Variants in TLR2 observed in about 807,000 individuals in gnomAD.
The protein encoded by TLR2 is toll-like receptor 2.
TLR2 carries 7 observed loss-of-function variants against 9.1 expected under a neutral mutation model. That is an observed-to-expected ratio of 0.77 (90% confidence interval 0.44 to 1.44). The LOEUF is 1.44. Ranked by LOEUF, TLR2 falls within the 40% of genes most tolerant of loss-of-function variation. The pLI is 0.01. For synonymous variants in TLR2, 317 were observed against 344.6 expected (o/e 0.92, Z 0.89); for missense variants, 812 against 904.6 (o/e 0.90, Z 1.31).
At chr4:153,701,551 A>G (rs193205139) in intron 2 of TLR2, 1 of 152,350 alleles carries the variant, frequency 6.6e-6, no homozygotes, top group African/African-American at 2.4e-5. Flanking sequence ...TGAAAAGGCA[A>G]CCGCAGAGTG....
intron 2 of TLR2, among the ~76,000 whole-genome samples, chr4:153,700,454 C>G (rs1736807361): frequency 6.6e-6 from 1 of 152,152 alleles, no homozygotes; most frequent in South Asian, 2.1e-4. Flanking sequence ...AGAGATCTGT[C>G]ATGCTCATGG....
chr4:153,704,178 G>C lies in TLR2; in HGVS notation c.1271G>C (p.Ser424Thr). The C allele has an allele frequency of 6.2e-7, 1 of 1,613,952 alleles. No homozygotes were observed. The highest frequency in any genetic ancestry group is 8.5e-7 in the Non-Finnish European group (1 of 1,179,984). The change falls in exon 3 of 3, where the codon AGT (serine) becomes ACT (threonine). Residue 424 changes from serine to threonine, a missense_variant. Ser to Thr is a moderately conservative substitution (Grantham distance 58). Transcript: ENST00000642700. The stretch of plus-strand genomic sequence containing the variant: ...ACTAACATTGATATCAGTAAGAATA[G>C]TTTTCATTCTATGCCTGAAACTTGT... ...NLTNIDISKN[S>T]FHSMPETCQW...
At chr4:153,684,905 C>A (rs1411750451) in intron 1 of TLR2, among the ~76,000 whole-genome samples, 1 of 152,210 alleles carries the variant, frequency 6.6e-6, no homozygotes, top group Non-Finnish European at 1.5e-5. Flanking sequence ...TCCCCGCCTC[C>A]TGGCCCCTCT....
At chr4:153,689,195 T>G (rs979272051) in intron 2 of TLR2, among the ~76,000 whole-genome samples, 2 of 152,234 alleles carry the variant, frequency 1.3e-5, no homozygotes, top group Non-Finnish European at 2.9e-5. Flanking sequence ...GTCTTCTAGG[T>G]GCTTTTTTAT....
chr4:153,703,451 G>T lies in TLR2; in HGVS notation c.544G>T (p.Asp182Tyr). 6.2e-7 allele frequency: 1 copy of T among 1,613,862 alleles called. No homozygotes were observed. ...GLTFLEELEI[D>Y]ASDLQSYEPK... ...TACCTTCCTTGAGGAACTTGAGATT[G>T]ATGCTTCAGATCTACAGAGCTATGA... The change falls in exon 3 of 3, where the codon GAT becomes TAT. Residue 182 changes from aspartate (D) to tyrosine (Y), a missense_variant. Physicochemically the swap from Asp to Tyr is radical, Grantham distance 160. Coordinates refer to ENST00000642700, the MANE Select transcript of TLR2 (RefSeq NM_001318789.2).
chr4:153,703,666 G>A lies in TLR2; in HGVS notation c.759G>A (p.Lys253=), dbSNP rs1014260301. The change falls in exon 3 of 3, where the codon AAG becomes AAA. Residue 253 remains lysine (K), a synonymous_variant. Transcript: ENST00000642700. The part of the protein sequence containing the change: ...STGETNSLIK[K]FTFRNVKITD... ...GTGAAACAAATTCATTGATTAAAAAGTTTACATTTAGAAATGTGAAAATCA... is the reference window on the plus strand; with the variant it reads ...GTGAAACAAATTCATTGATTAAAAAATTTACATTTAGAAATGTGAAAATCA... 1.2e-6 allele frequency: 2 copies of A among 1,612,770 alleles called. No homozygotes were observed. Among genetic ancestry groups the A allele is most frequent in the Admixed American group, 1.7e-5 (1 of 59,766 alleles).
rs1396370245 is a variant in TLR2 at position 153,705,301 on chromosome 4, C to T, written c.*39C>T. The T allele has an allele frequency of 3.3e-6, 5 of 1,502,926 alleles. No individual in the cohort carries two copies. The highest frequency in any genetic ancestry group is 2.3e-5 in the Admixed American group (1 of 43,374). 93.1% of individuals were successfully genotyped at this position (1,502,926 alleles called of 1,614,324 possible). A position where few individuals can be genotyped will look rare whatever the true frequency, so the allele number is the denominator to read the frequency against. On this transcript the variant is annotated 3_prime_UTR_variant, in exon 3 of 3. Coordinates refer to ENST00000642700, the MANE Select transcript of TLR2 (RefSeq NM_001318789.2). Reference sequence around the variant, plus strand: ...AGACCAGTCTTTGTCTAGTTGGGATCTTTATGTCACTAGTTATAGTTAAGT... The same window carrying T: ...AGACCAGTCTTTGTCTAGTTGGGATTTTTATGTCACTAGTTATAGTTAAGT...
chr4:153,686,396 C>T (rs984234310), intron 1 of TLR2, among the ~76,000 whole-genome samples: 1 of 152,124 alleles, frequency 6.6e-6, no homozygotes, highest in Admixed American at 6.5e-5. Flanking sequence ...ACATCAGTAA[C>T]TAAATGAGAT....
chr4:153,695,524 T>C (rs539867321), intron 2 of TLR2, among the ~76,000 whole-genome samples: 24 of 152,246 alleles, frequency 1.6e-4, no homozygotes, highest in Non-Finnish European at 1.8e-4. Flanking sequence ...AATTGGATTA[T>C]TAGATTTTTT....
At position 153,705,218 on chromosome 4, in the gene TLR2, C is replaced by T. The variant is rs376311320; in HGVS notation, c.2311C>T (p.Arg771Trp). The change falls in exon 3 of 3, where the codon CGG becomes TGG. Residue 771 changes from arginine (R) to tryptophan (W), a missense_variant. Coordinates refer to ENST00000642700, the MANE Select transcript of TLR2 (RefSeq NM_001318789.2). The part of the protein sequence containing the change: ...YLEWPMDEAQ[R>W]EGFWVNLRAA... ...GGAGTGGCCCATGGACGAGGCTCAG[C>T]GGGAAGGATTTTGGGTAAATCTGAG... 37 of 1,602,866 alleles carry T rather than the reference C, an allele frequency of 2.3e-5. No individual in the cohort carries two copies. The Admixed American group carries it at 2.6e-4, about 11-fold the overall frequency.
At chr4:153,694,423 C>A (rs1367315379) in intron 2 of TLR2, among the ~76,000 whole-genome samples, 1 of 152,130 alleles carries the variant, frequency 6.6e-6, no homozygotes, top group Non-Finnish European at 1.5e-5. Context: ...GGCCTGTTCC[C>A]AACAGTGGAC....
chr4:153,686,484 A>G (rs543546601), intron 1 of TLR2, among the ~76,000 whole-genome samples: 1 of 152,232 alleles, frequency 6.6e-6, no homozygotes, highest in Non-Finnish European at 1.5e-5. Context: ...TGCTGTTTAC[A>G]AGAGACACAT....
chr4:153,693,283 A>G (rs1409164426), intron 2 of TLR2, among the ~76,000 whole-genome samples: 1 of 152,238 alleles, frequency 6.6e-6, no homozygotes, highest in Non-Finnish European at 1.5e-5. Context: ...AACCTTCTTT[A>G]ACAGTCCCAT....
rs747596429 is a variant in TLR2, at chr4:153,703,356, A to T, written c.449A>T (p.Lys150Ile). 15 of 1,613,884 alleles carry T rather than the reference A, an allele frequency of 9.3e-6. No homozygotes were observed. In the Admixed American group the frequency reaches 2.2e-4, roughly 23 times the overall value. ...GETSLFSHLTKLQILRVGNMD... is the reference protein window; with the variant it reads ...GETSLFSHLTILQILRVGNMD... ...ACATCTCTTTTTTCTCATCTCACAA[A>T]ATTGCAAATCCTGAGAGTGGGAAAT... The change falls in exon 3 of 3, where the codon AAA becomes ATA. Residue 150 changes from lysine to isoleucine, a missense_variant. Lys to Ile is a moderately radical substitution (Grantham distance 102). Coordinates refer to ENST00000642700, the MANE Select transcript of TLR2 (RefSeq NM_001318789.2).
intron 2 of TLR2, among the ~76,000 whole-genome samples, chr4:153,692,873 C>A (rs1736217678): frequency 6.6e-6 from 1 of 152,206 alleles, no homozygotes; most frequent in Non-Finnish European, 1.5e-5. Flanking sequence ...ATTGACCATG[C>A]AGATGGCCAG....
Position 153,687,491 on chromosome 4 carries a change from C to T in TLR2, c.-162-411C>T, listed in dbSNP as rs146316248. 2.2e-4 allele frequency among the ~76,000 whole-genome samples: 33 copies of T among 152,226 alleles called. No individual in the cohort carries two copies. The East Asian group carries it at 6.0e-3, about 28-fold the overall frequency. On this transcript the variant is annotated intron_variant, in intron 1 of 2. Coordinates refer to ENST00000642700, the MANE Select transcript of TLR2 (RefSeq NM_001318789.2). ...CCTCTCTTTTGTTAAATGACATAAG[C>T]AGGAGGCCATTATCCTGAGACTGTC...
downstream of TLR2, chr4:153,710,469 A>G (rs753738133): frequency 4.4e-6 from 7 of 1,608,210 alleles, 1 homozygote; most frequent in South Asian, 5.6e-5. Context: ...TTGTCCATAC[A>G]GAAAATGTGT....
chr4:153,700,283 G>A (rs1290504450), intron 2 of TLR2, among the ~76,000 whole-genome samples: 1 of 152,024 alleles, frequency 6.6e-6, no homozygotes, highest in East Asian at 1.9e-4. Context: ...GATTTGGAGA[G>A]GACAAACATC....
chr4:153,705,504 T>C lies in TLR2; in HGVS notation c.*242T>C, dbSNP rs559385786. 23 of 386,820 alleles carry C rather than the reference T, an allele frequency of 5.9e-5. 1 individual carries two copies. In the South Asian group the frequency reaches 7.4e-4, roughly 12 times the overall value. 24.0% of individuals were successfully genotyped at this position (386,820 alleles called of 1,614,324 possible). On this transcript the variant is annotated 3_prime_UTR_variant, in exon 3 of 3. Coordinates refer to ENST00000642700, the MANE Select transcript of TLR2 (RefSeq NM_001318789.2). ...TGAGATAACCATGATCATAAGTCTA[T>C]TACTGATATCTGAATATAGTCCCTT...
Sources: gnomAD v4.1 joint callset for allele counts (sites outside exome capture counted in the v4.1 genomes callset) on GRCh38, gnomAD v4.1.1 for gene constraint, MANE v1.5 for transcripts, NCBI Gene and HGNC (gene_info 2026-07-23, HGNC 2026-07-21) for gene names.